The following SCD5 variants were observed in gnomAD, a reference collection of about 807,000 sequenced individuals.
The protein encoded by SCD5 is stearoyl-CoA desaturase 5.
SCD5 carries 20 observed loss-of-function variants against 30.4 expected under a neutral mutation model. The observed-to-expected ratio is 0.66, with a 90% CI of 0.46 to 0.96. The LOEUF is 0.96. SCD5 is among the 40% of genes least tolerant of loss of function. The probability of loss-of-function intolerance (pLI) is 0.00; values close to 1 mark genes in which losing one functional copy is unlikely to be tolerated. For synonymous variants in SCD5, 173 were observed against 176.4 expected (o/e 0.98, Z 0.16); for missense variants, 381 against 443.3 (o/e 0.86, Z 1.26).
At chr4:82,753,726 C>T (rs937478579) in intron 1 of SCD5, among the ~76,000 whole-genome samples, 5 of 152,104 alleles carry the variant, frequency 3.3e-5, no homozygotes, top group Admixed American at 1.3e-4. Context: ...TTGCCTCCCC[C>T]CTCAGCCATC....
chr4:82,750,872 A>C (rs1450899937), intron 1 of SCD5, among the ~76,000 whole-genome samples: 1 of 152,200 alleles, frequency 6.6e-6, no homozygotes, highest in African/African-American at 2.4e-5. Flanking sequence ...CAAATGCCAA[A>C]GAACTTACCT....
At chr4:82,768,950 T>A (rs1174918295) in intron 1 of SCD5, among the ~76,000 whole-genome samples, 2 of 152,060 alleles carry the variant, frequency 1.3e-5, no homozygotes, top group Non-Finnish European at 2.9e-5. Context: ...GACTTTTTTT[T>A]TTTTTTTAAG....
chr4:82,769,283 C>T (rs181016682), intron 1 of SCD5, among the ~76,000 whole-genome samples: 41 of 152,262 alleles, frequency 2.7e-4, no homozygotes, highest in African/African-American at 7.9e-4. Context: ...AGAGGAATCC[C>T]TAAGATCCCC....
At chr4:82,759,782 T>C (rs949459456) in intron 1 of SCD5, among the ~76,000 whole-genome samples, 1 of 152,192 alleles carries the variant, frequency 6.6e-6, no homozygotes, top group African/African-American at 2.4e-5. Context: ...TAATCATGTT[T>C]GTCTTCTCCT....
At chr4:82,745,817 A>G (rs1578049523) in intron 1 of SCD5, among the ~76,000 whole-genome samples, 1 of 152,090 alleles carries the variant, frequency 6.6e-6, no homozygotes, top group East Asian at 1.9e-4. Context: ...TCACTGAGGT[A>G]GGTAAGAGGC....
chr4:82,771,487 T>C (rs1410934332), intron 1 of SCD5, among the ~76,000 whole-genome samples: 1 of 152,228 alleles, frequency 6.6e-6, no homozygotes, highest in African/African-American at 2.4e-5. Flanking sequence ...GCTATGCCTA[T>C]GTTATCTTTG....
chr4:82,738,336 C>T (rs1050213765), intron 1 of SCD5, among the ~76,000 whole-genome samples: 2 of 134,286 alleles, frequency 1.5e-5, no homozygotes, highest in African/African-American at 6.1e-5. Context: ...GCAGGAAAAT[C>T]GCTTGAACCC....
intron 1 of SCD5, among the ~76,000 whole-genome samples, chr4:82,734,886 T>TC (rs765051292): frequency 1.1e-4 from 17 of 151,906 alleles, no homozygotes; most frequent in Non-Finnish European, 2.2e-4. Flanking sequence ...TGCCTCAGCC[T>TC]CCCAGAGTGC....
intron 2 of SCD5, among the ~76,000 whole-genome samples, chr4:82,697,880 T>C (rs375157497): frequency 6.6e-6 from 1 of 152,246 alleles, no homozygotes; most frequent in African/African-American, 2.4e-5. Flanking sequence ...CTTTAATGAA[T>C]TGATAAATCA....
intron 1 of SCD5, among the ~76,000 whole-genome samples, chr4:82,721,617 A>G (rs62311785): frequency 0.076 from 11,589 of 152,214 alleles, 624 homozygotes; most frequent in East Asian, 0.18. Context: ...ATATACACAA[A>G]AGGAAAACAA....
intron 1 of SCD5, among the ~76,000 whole-genome samples, chr4:82,786,939 G>A (rs929840411): frequency 2.0e-5 from 3 of 152,000 alleles, no homozygotes; most frequent in Admixed American, 6.6e-5. Context: ...CCACAGTCCC[G>A]CTCTACACAT....
At chr4:82,633,727 G>T (rs7672297) in intron 4 of SCD5, among the ~76,000 whole-genome samples, 39,643 of 151,832 alleles carry the variant, frequency 0.26, 6,119 homozygotes, top group African/African-American at 0.43. Context: ...ATTTCTCTAA[G>T]GATTAGTTCA....
intron 1 of SCD5, among the ~76,000 whole-genome samples, chr4:82,776,511 C>T (rs1487667036): frequency 6.6e-6 from 1 of 152,188 alleles, no homozygotes; most frequent in East Asian, 1.9e-4. Flanking sequence ...GTTCATATCC[C>T]TGCTGGAGGC....
At chr4:82,647,132 CT>C (rs1015412623) in intron 3 of SCD5, among the ~76,000 whole-genome samples, 1 of 152,136 alleles carries the variant, frequency 6.6e-6, no homozygotes, top group African/African-American at 2.4e-5. Context: ...GCCATCTCTA[CT>C]TTTTTTGGTA....
chr4:82,699,578 T>G (rs1719771919), intron 2 of SCD5, among the ~76,000 whole-genome samples: 2 of 149,352 alleles, frequency 1.3e-5, no homozygotes, highest in Non-Finnish European at 3.0e-5. Context: ...TTGTTTTTTT[T>G]TTTTTTTGAG....
At chr4:82,742,267 A>G (rs1428156409) in intron 1 of SCD5, among the ~76,000 whole-genome samples, 1 of 152,130 alleles carries the variant, frequency 6.6e-6, no homozygotes, top group Non-Finnish European at 1.5e-5. Context: ...CTAGAGGGGC[A>G]TGCAGGAGCT....
chr4:82,795,693 A>C (rs1722195395), intron 1 of SCD5, among the ~76,000 whole-genome samples: 1 of 151,174 alleles, frequency 6.6e-6, no homozygotes, highest in African/African-American at 2.4e-5. Flanking sequence ...GTGGTGGTGC[A>C]CACCTGTAGT....
At chr4:82,685,894 A>T (rs1728692868) in intron 2 of SCD5, among the ~76,000 whole-genome samples, 1 of 152,102 alleles carries the variant, frequency 6.6e-6, no homozygotes, top group African/African-American at 2.4e-5. Flanking sequence ...CAAGTCTTAG[A>T]GATTTTTCAC....
intron 2 of SCD5, among the ~76,000 whole-genome samples, chr4:82,701,564 A>G (rs968475444): frequency 2.6e-5 from 4 of 152,216 alleles, no homozygotes; most frequent in African/African-American, 4.8e-5. Context: ...AGGACAGCAC[A>G]TAAGAATATC....
Sources: gnomAD v4.1 joint callset for allele counts (sites outside exome capture counted in the v4.1 genomes callset) on GRCh38, gnomAD v4.1.1 for gene constraint, MANE v1.5 for transcripts, NCBI Gene and HGNC (gene_info 2026-07-23, HGNC 2026-07-21) for gene names.